The following TXLNB variants were observed in gnomAD, a reference collection of about 807,000 sequenced individuals.
TXLNB encodes the protein taxilin beta.
A neutral mutation model predicts 57.4 loss-of-function variants in TXLNB; 37 were observed. That is an observed-to-expected ratio of 0.64 (90% CI 0.50 to 0.85). The LOEUF (loss-of-function observed/expected upper bound fraction) is 0.85. TXLNB is among the 40% of genes least tolerant of loss of function. The probability of loss-of-function intolerance (pLI) is 0.00; values close to 1 mark genes in which losing one functional copy is unlikely to be tolerated. For synonymous variants in TXLNB, 302 were observed against 309.6 expected, an observed-to-expected ratio of 0.98 and a Z score of 0.26; for missense variants, 848 against 825.6, an observed-to-expected ratio of 1.03 and a Z score of -0.33.
the TXLNB span, chr6:139,176,813 T>A: frequency 1.6e-6 from 1 of 641,728 alleles, no homozygotes; most frequent in Non-Finnish European, 2.8e-6. The surrounding 1 kb of genome is among the most constrained non-coding windows in gnomAD (Gnocchi z 4.5). Flanking sequence ...CCCGTTTCCA[T>A]GTTTTTGGTA....
At chr6:139,236,109 C>T (rs996109523), downstream of TXLNB, among the ~76,000 whole-genome samples, 1 of 152,170 alleles carries the variant, frequency 6.6e-6, no homozygotes. Flanking sequence ...TAAAACCTTG[C>T]ACTTATTCTC....
At chr6:139,253,142 T>C (rs1372981895) in intron 7 of TXLNB, among the ~76,000 whole-genome samples, 1 of 152,262 alleles carries the variant, frequency 6.6e-6, no homozygotes, top group Non-Finnish European at 1.5e-5. Flanking sequence ...TTGATGATTA[T>C]ATCGCCAAAC....
chr6:139,298,928 C>T, the TXLNB span, among the ~76,000 whole-genome samples: 1,373 of 152,290 alleles, frequency 9.0e-3, 19 homozygotes, highest in African/African-American at 0.031. Flanking sequence ...ATGTTCTCTC[C>T]TTCTTCCTCC....
At chr6:139,301,204 C>T in the TXLNB span, among the ~76,000 whole-genome samples, 1 of 152,080 alleles carries the variant, frequency 6.6e-6, no homozygotes, top group African/African-American at 2.4e-5. Context: ...ATCATGGTCT[C>T]TGTGGAAAGG....
Position 139,262,996 on chromosome 6 carries a change from T to A in TXLNB, c.688-223A>T, listed in dbSNP as rs202121330. Among the ~76,000 whole-genome samples the A allele has an allele frequency of 5.2e-4, 79 of 152,308 alleles. 1 individual carries two copies. In the East Asian group the frequency reaches 0.015, roughly 28 times the overall value. ...TGCTGTGAAGGCCTTGAATTTGTAGTCAGTGATGAATAGACTTGTTTTAAA... is the reference window on the plus strand; with the variant it reads ...TGCTGTGAAGGCCTTGAATTTGTAGACAGTGATGAATAGACTTGTTTTAAA... On this transcript the variant is annotated intron_variant, in intron 4 of 9. Transcript: ENST00000358430.
chr6:139,185,904 G>T, the TXLNB span, among the ~76,000 whole-genome samples: 1 of 151,810 alleles, frequency 6.6e-6, no homozygotes, highest in East Asian at 1.9e-4. Context: ...TGCCCTTCCT[G>T]TTGCAACAAG....
the TXLNB span, among the ~76,000 whole-genome samples, chr6:139,212,375 A>G: frequency 6.6e-6 from 1 of 152,204 alleles, no homozygotes; most frequent in Non-Finnish European, 1.5e-5. Context: ...ATCCAGCCAA[A>G]CTAAGCTTCA....
At chr6:139,261,812 T>C (rs1297767774) in intron 5 of TXLNB, among the ~76,000 whole-genome samples, 2 of 151,742 alleles carry the variant, frequency 1.3e-5, no homozygotes, top group Non-Finnish European at 2.9e-5. Context: ...TGATACAAAC[T>C]AACCACTGAA....
chr6:139,237,921 T>C (rs973251247), downstream of TXLNB, among the ~76,000 whole-genome samples: 2 of 152,196 alleles, frequency 1.3e-5, no homozygotes, highest in Non-Finnish European at 2.9e-5. Context: ...TTTATCCTTT[T>C]TGTTATCTCC....
chr6:139,303,059 A>G, the TXLNB span, among the ~76,000 whole-genome samples: 1 of 152,234 alleles, frequency 6.6e-6, no homozygotes, highest in Admixed American at 6.5e-5. Flanking sequence ...AATTCATAAA[A>G]TATTAAAGTC....
the TXLNB span, among the ~76,000 whole-genome samples, chr6:139,187,391 T>C: frequency 1.3e-5 from 2 of 151,514 alleles, no homozygotes; most frequent in East Asian, 1.9e-4. Flanking sequence ...ATATAGAACC[T>C]CTCTAGACTT....
intron 3 of TXLNB, among the ~76,000 whole-genome samples, chr6:139,275,829 A>G (rs1776881259): frequency 6.6e-6 from 1 of 152,192 alleles, no homozygotes; most frequent in Non-Finnish European, 1.5e-5. Flanking sequence ...CCGGGCCTCA[A>G]AGGGGCCCAT....
chr6:139,253,658 T>C (rs1187977353), intron 7 of TXLNB, among the ~76,000 whole-genome samples: 1 of 151,984 alleles, frequency 6.6e-6, no homozygotes, highest in African/African-American at 2.4e-5. Flanking sequence ...GTTTTTTAAG[T>C]TTGAGGGGGT....
chr6:139,256,603 T>C (rs545783417), intron 6 of TXLNB, among the ~76,000 whole-genome samples: 160 of 152,350 alleles, frequency 1.1e-3, no homozygotes, highest in African/African-American at 3.4e-3. Context: ...GCTGGGATCA[T>C]AGGCGTGAGC....
chr6:139,164,247 C>T, the TXLNB span, among the ~76,000 whole-genome samples: 1 of 152,170 alleles, frequency 6.6e-6, no homozygotes, highest in African/African-American at 2.4e-5. Flanking sequence ...GCCTGGGAGT[C>T]TGCCTTTAGC....
At chr6:139,175,320 C>A in the TXLNB span, among the ~76,000 whole-genome samples, 1 of 152,126 alleles carries the variant, frequency 6.6e-6, no homozygotes, top group East Asian at 1.9e-4. Flanking sequence ...CTAAAGTGTT[C>A]CAGCCTGGTT....
In TXLNB at chr6:139,285,297, CA is replaced by C. The variant is rs1361393173; in HGVS notation, c.424+3178del. Among the ~76,000 whole-genome samples, 83 of 138,556 alleles carry C rather than the reference CA, an allele frequency of 6.0e-4. 10 individuals are homozygous for C. Among genetic ancestry groups the C allele is most frequent in the Admixed American group, 1.7e-3 (24 of 14,034 alleles). The allele number at this position is 138,556 out of a possible 152,430, so 90.9% of individuals were successfully genotyped here. A position where few individuals can be genotyped will look rare whatever the true frequency, so the allele number is the denominator to read the frequency against. ...ACACACACACACACACACACACACA[CA>C]CACACACCCCAATTCTTATGTAAAA... On this transcript the variant is annotated intron_variant, in intron 2 of 9. Transcript: ENST00000358430.
intron 7 of TXLNB, among the ~76,000 whole-genome samples, chr6:139,251,167 TA>T (rs1299117995): frequency 1.3e-5 from 2 of 152,180 alleles, no homozygotes; most frequent in African/African-American, 4.8e-5. Context: ...TGCTTTCTAT[TA>T]AAAAAATTAA....
the TXLNB span, among the ~76,000 whole-genome samples, chr6:139,165,865 G>A: frequency 6.6e-6 from 1 of 152,154 alleles, no homozygotes; most frequent in Admixed American, 6.5e-5. Context: ...CCCACTTCCT[G>A]TCCTGGTAGC....
Sources: gnomAD v4.1 joint callset for allele counts (sites outside exome capture counted in the v4.1 genomes callset) on GRCh38, gnomAD v4.1.1 for gene constraint, Gnocchi (gnomAD v3.1) non-coding constraint, MANE v1.5 for transcripts, NCBI Gene and HGNC (gene_info 2026-07-23, HGNC 2026-07-21) for gene names.